The following SASH1 variants were observed in gnomAD, a reference collection of about 807,000 sequenced individuals.
The protein encoded by SASH1 is SAM and SH3 domain containing 1.
Under a neutral mutation model 125.2 loss-of-function variants are expected in SASH1, and 44 were observed. The ratio of observed to expected loss-of-function variants is 0.35; its 90% CI spans 0.28 to 0.45. SASH1 has a LOEUF of 0.45. SASH1 is among the 20% of genes least tolerant of loss of function. The probability of loss-of-function intolerance (pLI) is 1.00; values close to 1 mark genes in which losing one functional copy is unlikely to be tolerated. For missense variants in SASH1, 1,426 were observed against 1,614.5 expected (o/e 0.88, Z 2.00); for synonymous variants, 639 against 649.1 (o/e 0.98, Z 0.24).
chr6:148,244,834 A>C, the SASH1 span, among the ~76,000 whole-genome samples: 11 of 151,884 alleles, frequency 7.2e-5, no homozygotes, highest in African/African-American at 1.9e-4. Context: ...GCCTGGCTGT[A>C]AGGAAGAAAG....
chr6:148,447,368 G>A (rs558354871), intron 4 of SASH1, among the ~76,000 whole-genome samples: 37 of 152,236 alleles, frequency 2.4e-4, no homozygotes, highest in African/African-American at 6.3e-4. Context: ...TGTTCTCTGC[G>A]GACACTTACT....
chr6:148,519,755 A>G lies in SASH1; in HGVS notation c.1071A>G (p.Gly357=). The change falls in exon 10 of 20, where the codon GGA becomes GGG. Residue 357 remains glycine, a synonymous_variant. Coordinates refer to ENST00000367467, the MANE Select transcript of SASH1 (RefSeq NM_015278.5). This position sits in a 1 kb window ranked among gnomAD's most constrained non-coding sequence, Gnocchi z 4.8. ...AGTTGGTCAAAACCTTCAGCAAAGG[A>G]GAGAGCCGGGGCCTGATTAAGCCCC... ...GRKLVKTFSK[G]ESRGLIKPPK... The G allele has an allele frequency of 6.2e-7, 1 of 1,614,110 alleles. No homozygotes were observed. The highest frequency in any genetic ancestry group is 8.5e-7 in the Non-Finnish European group (1 of 1,180,018).
the SASH1 span, among the ~76,000 whole-genome samples, chr6:148,242,176 T>C: frequency 6.6e-6 from 1 of 152,202 alleles, no homozygotes; most frequent in Non-Finnish European, 1.5e-5. Flanking sequence ...AAGCAAATGG[T>C]GAGGACTTGA....
rs1189547455 is a variant in SASH1 at position 148,519,464 on chromosome 6, G to A, written c.863-83G>A. 2 of 997,722 alleles carry A rather than the reference G, an allele frequency of 2.0e-6. No individual in the cohort carries two copies. The highest frequency in any genetic ancestry group is 3.0e-6 in the Non-Finnish European group (2 of 658,502). The allele number at this position is 997,722 out of a possible 1,614,324, so 61.8% of individuals were successfully genotyped here. A position where few individuals can be genotyped will look rare whatever the true frequency, so the allele number is the denominator to read the frequency against. On this transcript the variant is annotated intron_variant, in intron 9 of 19. Coordinates refer to ENST00000367467, the MANE Select transcript of SASH1 (RefSeq NM_015278.5). This position sits in a 1 kb window ranked among gnomAD's most constrained non-coding sequence, Gnocchi z 4.8. ...GGGTTTATAAAGAGGGTCATGATAC[G>A]GAGAAAGGTGGTGAATGTAAAGAAA... is the stretch of plus-strand genomic sequence containing the variant.
the SASH1 span, among the ~76,000 whole-genome samples, chr6:148,265,114 G>A: frequency 3.9e-5 from 6 of 152,242 alleles, no homozygotes; most frequent in East Asian, 1.2e-3. Context: ...TTTGCAAAGA[G>A]GAACTAGAAT....
intron 2 of SASH1, among the ~76,000 whole-genome samples, chr6:148,422,785 T>C (rs1430235742): frequency 6.6e-6 from 1 of 152,094 alleles, no homozygotes; most frequent in Non-Finnish European, 1.5e-5. Context: ...CCTGTTTCCA[T>C]TATAAACCTG....
chr6:148,383,602 A>G (rs962854791), intron 1 of SASH1, among the ~76,000 whole-genome samples: 4 of 152,158 alleles, frequency 2.6e-5, no homozygotes, highest in Non-Finnish European at 5.9e-5. Context: ...ATCACATTGT[A>G]TCTCCTGATG....
intron 8 of SASH1, chr6:148,513,970 A>C (rs1780291567): frequency 1.0e-6 from 1 of 1,004,274 alleles, no homozygotes; most frequent in Admixed American, 5.8e-5. Context: ...GGCCCAAACC[A>C]CAGCAGTGAA....
chr6:148,456,333 C>T (rs892179857), intron 4 of SASH1, among the ~76,000 whole-genome samples: 6 of 152,172 alleles, frequency 3.9e-5, no homozygotes, highest in African/African-American at 1.4e-4. Flanking sequence ...ATCTCCATAC[C>T]GCCCGAGCGT....
intron 1 of SASH1, among the ~76,000 whole-genome samples, chr6:148,282,948 G>A (rs980097777): frequency 3.9e-5 from 6 of 152,062 alleles, no homozygotes; most frequent in Admixed American, 1.3e-4. Context: ...TGCCAGAGAA[G>A]ACACACCTAA....
At chr6:148,394,507 T>G (rs563256501) in intron 2 of SASH1, among the ~76,000 whole-genome samples, 1 of 152,374 alleles carries the variant, frequency 6.6e-6, no homozygotes, top group Non-Finnish European at 1.5e-5. Context: ...CATGTATTTC[T>G]AATCTTTCAA....
Position 148,544,523 on chromosome 6 carries a change from GC to G in SASH1, c.3055del (p.Leu1019CysfsTer3). On this transcript the variant is annotated frameshift_variant, in exon 18 of 20. Transcript: ENST00000367467. LOFTEE classifies it high-confidence loss of function. The surrounding 1 kb of genome is among the most constrained non-coding windows in gnomAD (Gnocchi z 6.4). ...SGALPSPDAP[C>X]LPVKRGSPAS... is the part of the protein sequence containing the mutation. ...GCCCTCCCCAGTCCCGATGCGCCAT[GC>G]CTGCCAGTGAAAAGGGGCAGCCCCG... The G allele has an allele frequency of 6.2e-7, 1 of 1,613,028 alleles. No individual in the cohort carries two copies. Among genetic ancestry groups the G allele is most frequent in the Non-Finnish European group, 8.5e-7 (1 of 1,179,964 alleles).
Position 148,531,609 on chromosome 6 carries a change from CG to C in SASH1, c.1517del (p.Gly506ValfsTer3). The stretch of plus-strand genomic sequence containing the variant: ...ACTTGGACAAGCCCAAGCTCAAGGC[CG>C]GGGGTTCTGTAGAAAGTCTTCGCAG... ...EHLDKPKLKA[G>X]GSVESLRSSL... On this transcript the variant is annotated frameshift_variant, in exon 13 of 20. Coordinates refer to ENST00000367467, the MANE Select transcript of SASH1 (RefSeq NM_015278.5). LOFTEE classifies it high-confidence loss of function. 5 of 1,575,744 alleles carry C rather than the reference CG, an allele frequency of 3.2e-6. No homozygotes were observed. Among genetic ancestry groups the C allele is most frequent in the East Asian group, 4.8e-5 (2 of 41,916 alleles).
chr6:148,213,841 C>G, the SASH1 span, among the ~76,000 whole-genome samples: 3 of 152,164 alleles, frequency 2.0e-5, no homozygotes, highest in East Asian at 1.9e-4. Context: ...AAATCTCCAG[C>G]TGGCATCTTA....
chr6:148,472,532 C>T (rs1312056315), intron 6 of SASH1, among the ~76,000 whole-genome samples: 1 of 151,878 alleles, frequency 6.6e-6, no homozygotes, highest in Admixed American at 6.6e-5. Flanking sequence ...AGTTTACCAG[C>T]TAATGTGGAT....
At chr6:148,285,415 T>G (rs561870006) in intron 1 of SASH1, among the ~76,000 whole-genome samples, 1 of 152,356 alleles carries the variant, frequency 6.6e-6, no homozygotes, top group South Asian at 2.1e-4. Context: ...CCTCCAAGGA[T>G]AGAACATTAC....
intron 1 of SASH1, among the ~76,000 whole-genome samples, chr6:148,362,748 T>A (rs1363603451): frequency 1.3e-5 from 2 of 151,944 alleles, no homozygotes; most frequent in African/African-American, 2.4e-5. Context: ...CTTGGAAGGA[T>A]GAAGCAGGAG....
chr6:148,476,722 T>C (rs1778378542), intron 7 of SASH1, among the ~76,000 whole-genome samples: 1 of 152,064 alleles, frequency 6.6e-6, no homozygotes, highest in Non-Finnish European at 1.5e-5. Context: ...ATCTTAAAAT[T>C]TGTATTGAAC....
rs188789620 is a variant in SASH1 at position 148,527,487 on chromosome 6, T to C, written c.1319T>C (p.Ile440Thr). ...KEGDFVYKEV[I>T]KSPTASRISL... ...GGAGACTTTGTGTACAAAGAAGTCA[T>C]CAAATCACCTACTGCCTCTCGCATC... Residue 440 changes from isoleucine to threonine, a missense_variant, in exon 12 of 20, where the codon ATC becomes ACC. By Grantham distance (89) the Ile-to-Thr change is moderately conservative. Around this residue, in one of 3 missense-constraint regions of SASH1, gnomAD observed 567 missense variants for 575.6 expected, o/e 0.99. Coordinates refer to ENST00000367467, the MANE Select transcript of SASH1 (RefSeq NM_015278.5). The C allele has an allele frequency of 1.4e-5, 22 of 1,608,848 alleles. No individual in the cohort carries two copies. The Admixed American group carries it at 2.4e-4, about 17-fold the overall frequency.
Sources: allele counts gnomAD v4.1 joint callset (sites outside exome capture counted in the v4.1 genomes callset), GRCh38; gene constraint gnomAD v4.1.1; regional missense constraint gnomAD v4.1.1; non-coding constraint Gnocchi (gnomAD v3.1); transcripts MANE v1.5; gene names NCBI Gene and HGNC (gene_info 2026-07-23, HGNC 2026-07-21).